ZNF268: variants seen among roughly 807,000 people sequenced by gnomAD.
ZNF268 encodes zinc finger protein 3.
In ZNF268, 20 loss-of-function variants were observed where a neutral mutation model predicts 29.3. That is an observed-to-expected ratio of 0.68 (90% CI 0.48 to 0.99). ZNF268 has a LOEUF of 0.99. ZNF268 is among the 50% of genes least tolerant of loss of function. The probability of loss-of-function intolerance (pLI) is 0.00; values close to 1 mark genes in which losing one functional copy is unlikely to be tolerated. For missense variants in ZNF268, 1,240 were observed against 1,121.6 expected (o/e 1.11, Z -1.51); for synonymous variants, 429 against 376.9 (o/e 1.14, Z -1.60).
At chr12:133,197,426 C>T (rs1301820642) in intron 5 of ZNF268, among the ~76,000 whole-genome samples, 2 of 151,494 alleles carry the variant, frequency 1.3e-5, no homozygotes, top group East Asian at 1.9e-4. Context: ...TTTTCTTAAT[C>T]CAGTCTATCA....
At position 133,202,948 on chromosome 12, in the gene ZNF268, G is replaced by A; in HGVS notation, c.1262G>A (p.Cys421Tyr). 1 of 1,545,522 alleles carries A rather than the reference G, an allele frequency of 6.5e-7. No individual in the cohort carries two copies. Among genetic ancestry groups the A allele is most frequent in the Non-Finnish European group, 8.7e-7 (1 of 1,150,020 alleles). The part of the protein sequence containing the change: ...TGEKPYECNE[C>Y]QKAFNTKSNL... The stretch of plus-strand genomic sequence containing the variant: ...GAGAAACCATATGAATGCAATGAAT[G>A]TCAGAAAGCCTTTAATACAAAGTCA... The change falls in exon 6 of 6, where the codon TGT (cysteine) becomes TAT (tyrosine). Residue 421 changes from cysteine (C) to tyrosine (Y), a missense_variant. Physicochemically the swap from Cys to Tyr is radical, Grantham distance 194. Around this residue, in one of 3 missense-constraint regions of ZNF268, gnomAD observed 1,177 missense variants for 1,039.6 expected, o/e 1.13. Transcript: ENST00000536435.
chr12:133,203,013 C>G lies in ZNF268; in HGVS notation c.1327C>G (p.Pro443Ala). The G allele has an allele frequency of 1.9e-6, 3 of 1,546,986 alleles. No homozygotes were observed. The highest frequency in any genetic ancestry group is 2.6e-6 in the Non-Finnish European group (3 of 1,151,798). Reference protein sequence around the residue: ...VHQRTHTGEKPYVCSDCGKAF... With the variant: ...VHQRTHTGEKAYVCSDCGKAF... ...TCAGAGAACCCATACAGGGGAGAAACCTTATGTTTGTAGTGATTGTGGAAA... is the reference window on the plus strand; with the variant it reads ...TCAGAGAACCCATACAGGGGAGAAAGCTTATGTTTGTAGTGATTGTGGAAA... The change falls in exon 6 of 6, where the codon CCT (proline) becomes GCT (alanine). Residue 443 changes from proline to alanine, a missense_variant. Pro to Ala is a conservative substitution (Grantham distance 27, BLOSUM62 -1). This residue lies in a region of ZNF268 where 1,177 missense variants were observed against 1,039.6 expected (regional missense o/e 1.13). Transcript: ENST00000536435.
chr12:133,196,485 C>T (rs754994259), intron 5 of ZNF268, among the ~76,000 whole-genome samples: 11 of 152,066 alleles, frequency 7.2e-5, no homozygotes, highest in African/African-American at 1.4e-4. Flanking sequence ...TTTCCAATGA[C>T]GAAAGCAGAG....
At position 133,204,608 on chromosome 12, in the gene ZNF268, A is replaced by G; in HGVS notation, c.*78A>G. ...TATAAAGAGAAACTCTGTAAGTGGA[A>G]TCATCTTGTCATCTTCCAGAAAACT... On this transcript the variant is annotated 3_prime_UTR_variant, in exon 6 of 6. Coordinates refer to ENST00000536435, the MANE Select transcript of ZNF268 (RefSeq NM_003415.3). 1 of 1,129,692 alleles carries G rather than the reference A, an allele frequency of 8.9e-7. No individual in the cohort carries two copies. The highest frequency in any genetic ancestry group is 1.2e-6 in the Non-Finnish European group (1 of 825,654). The allele number at this position is 1,129,692 out of a possible 1,614,324, so 70.0% of individuals were successfully genotyped here.
chr12:133,184,796 C>G, intron 2 of ZNF268: 1 of 408,836 alleles, frequency 2.4e-6, no homozygotes, highest in Admixed American at 2.6e-5. Flanking sequence ...GGCCCCACCT[C>G]TTAATACCAT....
intron 4 of ZNF268, 129 bp downstream of exon 4, chr12:133,191,744 T>G (rs772802633): frequency 6.7e-7 from 1 of 1,482,736 alleles, no homozygotes; most frequent in Non-Finnish European, 9.3e-7. Context: ...ATTTTCTTAG[T>G]TCCCTATTGG....
rs1348719803 is a variant in ZNF268, at chr12:133,210,835, C to A, written c.*6305C>A. The A allele has an allele frequency of 4.4e-6, 2 of 455,924 alleles. No homozygotes were observed. The highest frequency in any genetic ancestry group is 4.0e-5 in the African/African-American group (2 of 50,060). The allele number at this position is 455,924 out of a possible 1,614,324, so 28.2% of individuals were successfully genotyped here. The stretch of plus-strand genomic sequence containing the variant: ...TGGATTCAACCCAGAGGTCTGTGAG[C>A]AGAATGCAGGTACTGCAAGCAGGCT... On this transcript the variant is annotated 3_prime_UTR_variant, in exon 6 of 6. Coordinates refer to ENST00000536435, the MANE Select transcript of ZNF268 (RefSeq NM_003415.3).
chr12:133,204,688 A>G lies in ZNF268; in HGVS notation c.*158A>G. ...AGCATATGGAAAGGCATCCACAGAAAGCTGTTCTTTACATGCAAAAAGATA... is the reference window on the plus strand; with the variant it reads ...AGCATATGGAAAGGCATCCACAGAAGGCTGTTCTTTACATGCAAAAAGATA... On this transcript the variant is annotated 3_prime_UTR_variant, in exon 6 of 6. Coordinates refer to ENST00000536435, the MANE Select transcript of ZNF268 (RefSeq NM_003415.3). 1.8e-6 allele frequency: 1 copy of G among 564,666 alleles called. No individual in the cohort carries two copies. Among genetic ancestry groups the G allele is most frequent in the East Asian group, 3.0e-5 (1 of 33,086 alleles). The allele number at this position is 564,666 out of a possible 1,614,324, so 35.0% of individuals were successfully genotyped here. A position where few individuals can be genotyped will look rare whatever the true frequency, so the allele number is the denominator to read the frequency against.
Position 133,182,041 on chromosome 12 carries a change from GT to G in ZNF268, c.33+15del. On this transcript the variant is annotated intron_variant, in intron 2 of 5. Transcript: ENST00000536435. ...ACAGCTTCTATTTGGGTGAGTAGGG[GT>G]TTTCTTTCATTCTTGAAAAGCTCTC... The G allele has an allele frequency of 6.4e-7, 1 of 1,557,940 alleles. No individual in the cohort carries two copies. Among genetic ancestry groups the G allele is most frequent in the Non-Finnish European group, 8.7e-7 (1 of 1,150,488 alleles).
intron 3 of ZNF268, among the ~76,000 whole-genome samples, chr12:133,188,832 T>C (rs1313145617): frequency 1.3e-5 from 2 of 152,160 alleles, no homozygotes; most frequent in Non-Finnish European, 2.9e-5. Flanking sequence ...CTTCTTTTAC[T>C]TCCAATATTG....
chr12:133,195,267 C>T (rs1339800568), intron 5 of ZNF268, among the ~76,000 whole-genome samples: 1 of 152,210 alleles, frequency 6.6e-6, no homozygotes, highest in South Asian at 2.1e-4. Context: ...GCTTCAGAAT[C>T]TCAATTCTCT....
At chr12:133,181,765 G>A in intron 1 of ZNF268, 79 bp downstream of exon 1, 1 of 562,372 alleles carries the variant, frequency 1.8e-6, no homozygotes, top group Non-Finnish European at 3.2e-6. Context: ...TGCTGACCCG[G>A]GGCGGTTGCC....
chr12:133,190,207 GTCT>G (rs1223369082), intron 3 of ZNF268, among the ~76,000 whole-genome samples: 1 of 152,216 alleles, frequency 6.6e-6, no homozygotes, highest in Non-Finnish European at 1.5e-5. Context: ...AGAGCAGTTA[GTCT>G]TTTCTTGTCT....
In ZNF268 at chr12:133,204,301, C is replaced by A; in HGVS notation, c.2615C>A (p.Ala872Asp). The change falls in exon 6 of 6, where the codon GCC (alanine) becomes GAC (aspartate). Residue 872 changes from alanine to aspartate, a missense_variant. Coordinates refer to ENST00000536435, the MANE Select transcript of ZNF268 (RefSeq NM_003415.3). ...TATGAATGCAGTGAGTGTGGAAAAG[C>A]CTTCATTAGGAATTCTCAACTCATT... ...KPYECSECGKAFIRNSQLIVH... is the reference protein window; with the variant it reads ...KPYECSECGKDFIRNSQLIVH... 1 of 1,557,506 alleles carries A rather than the reference C, an allele frequency of 6.4e-7. No homozygotes were observed. Among genetic ancestry groups the A allele is most frequent in the East Asian group, 2.4e-5 (1 of 42,062 alleles).
At chr12:133,198,886 G>A (rs1479339607) in intron 5 of ZNF268, among the ~76,000 whole-genome samples, 3 of 147,992 alleles carry the variant, frequency 2.0e-5, no homozygotes, top group Admixed American at 6.7e-5. Flanking sequence ...CATTGATTTT[G>A]TATCCTGAGA....
In ZNF268 at chr12:133,204,062, G is replaced by A; in HGVS notation, c.2376G>A (p.Lys792=). Residue 792 remains lysine (K), a synonymous_variant, in exon 6 of 6, where the codon AAG becomes AAA. Coordinates refer to ENST00000536435, the MANE Select transcript of ZNF268 (RefSeq NM_003415.3). ...AATGTGGGAAAGCTTTTAGCAGCAA[G>A]TCATACCTAATTATACACATGAGAA... ...CSECGKAFSS[K]SYLIIHMRTH... 6.4e-7 allele frequency: 1 copy of A among 1,560,648 alleles called. No homozygotes were observed. Among genetic ancestry groups the A allele is most frequent in the South Asian group, 1.2e-5 (1 of 85,580 alleles).
At position 133,191,497 on chromosome 12, in the gene ZNF268, G is replaced by A. The variant is rs376536420; in HGVS notation, c.243G>A (p.Leu81=). 3 of 1,613,810 alleles carry A rather than the reference G, an allele frequency of 1.9e-6. No individual in the cohort carries two copies. In the African/African-American group the frequency reaches 4.0e-5, roughly 22 times the overall value. The change falls in exon 4 of 6, where the codon TTG becomes TTA. Residue 81 remains leucine, a synonymous_variant. Coordinates refer to ENST00000536435, the MANE Select transcript of ZNF268 (RefSeq NM_003415.3). ...AGCATATTGTATTTCAGGGACCTTT[G>A]TCATTCATGGATGTGTTTGTGGATT... ...QPKITKSWGP[L]SFMDVFVDFT... is the part of the protein sequence containing the mutation.
chr12:133,198,561 A>G (rs1455694693), intron 5 of ZNF268, among the ~76,000 whole-genome samples: 1 of 152,102 alleles, frequency 6.6e-6, no homozygotes, highest in Admixed American at 6.6e-5. Flanking sequence ...GTTTTTTTCA[A>G]TTCTATGAAG....
rs1450781613 is a variant in ZNF268, at chr12:133,212,435, A to T, written c.*7905A>T. 7.3e-6 allele frequency: 1 copy of T among 136,542 alleles called. No individual in the cohort carries two copies. The highest frequency in any genetic ancestry group is 2.8e-5 in the African/African-American group (1 of 35,234). The allele number at this position is 136,542 out of a possible 1,614,324, so 8.5% of individuals were successfully genotyped here. A position where few individuals can be genotyped will look rare whatever the true frequency, so the allele number is the denominator to read the frequency against. ...AGGATCAGTTCCAAGGGAGACTTTC[A>T]TGTGTGATTTTATATATATATATAT... On this transcript the variant is annotated 3_prime_UTR_variant, in exon 6 of 6. Transcript: ENST00000536435.
Sources: allele counts gnomAD v4.1 joint callset (sites outside exome capture counted in the v4.1 genomes callset), GRCh38; gene constraint gnomAD v4.1.1; regional missense constraint gnomAD v4.1.1; transcripts MANE v1.5; gene names NCBI Gene and HGNC (gene_info 2026-07-23, HGNC 2026-07-21).